The following RAD54B variants were observed in gnomAD, a reference collection of about 807,000 sequenced individuals.
RAD54B encodes DNA repair and recombination protein RAD54B.
RAD54B carries 78 observed loss-of-function variants against 95.8 expected under a neutral mutation model. That is an observed-to-expected ratio of 0.81 (90% confidence interval 0.68 to 0.98). The LOEUF is 0.98. RAD54B is among the 50% of genes least tolerant of loss of function. The pLI is 0.00. For synonymous variants in RAD54B, 328 were observed against 354.9 expected (o/e 0.92, Z 0.85); for missense variants, 957 against 1,056.6 (o/e 0.91, Z 1.31).
chr8:94,430,233 C>T (rs1563653811), intron 3 of RAD54B: 7 of 758,358 alleles, frequency 9.2e-6, no homozygotes, highest in Non-Finnish European at 9.6e-6. Flanking sequence ...ATCGCTTGAA[C>T]CCAGGAAACG....
chr8:94,417,544 T>C (rs531858058), intron 3 of RAD54B, among the ~76,000 whole-genome samples: 5 of 151,792 alleles, frequency 3.3e-5, no homozygotes, highest in African/African-American at 1.2e-4. Flanking sequence ...GAAAATATCA[T>C]ATCCTGCTGG....
chr8:94,446,290 A>G (rs1267460599), intron 3 of RAD54B, among the ~76,000 whole-genome samples: 3 of 152,202 alleles, frequency 2.0e-5, no homozygotes, highest in Non-Finnish European at 4.4e-5. Context: ...AGGTAGTCCA[A>G]AAGAGTCAAG....
chr8:94,436,759 G>T, intron 3 of RAD54B: 1 of 1,550,560 alleles, frequency 6.4e-7, no homozygotes, highest in Non-Finnish European at 8.7e-7. Context: ...TACTATTACT[G>T]AATGTTTATT....
chr8:94,432,589 C>A (rs1454707379), intron 3 of RAD54B: 4 of 1,550,106 alleles, frequency 2.6e-6, no homozygotes, highest in Non-Finnish European at 2.6e-6. Flanking sequence ...GTAATAGCAA[C>A]AGGATGGTGA....
intron 10 of RAD54B, 53 bp downstream of exon 10, chr8:94,391,556 T>G: frequency 6.5e-7 from 1 of 1,537,488 alleles, no homozygotes; most frequent in Non-Finnish European, 8.8e-7. Context: ...CTTAGATTCA[T>G]ATACTATAGA....
At chr8:94,376,630 T>A (rs1450162857) in intron 14 of RAD54B, among the ~76,000 whole-genome samples, 1 of 150,600 alleles carries the variant, frequency 6.6e-6, no homozygotes, top group African/African-American at 2.4e-5. Context: ...GAAGTTTAAA[T>A]TCTACCCACT....
intron 1 of RAD54B, among the ~76,000 whole-genome samples, chr8:94,472,941 G>C (rs1274784831): frequency 6.7e-6 from 1 of 150,256 alleles, no homozygotes; most frequent in Non-Finnish European, 1.5e-5. Context: ...CAGAGCAGTG[G>C]TTAAGAAAAC....
At chr8:94,445,598 A>C (rs1812503671) in intron 3 of RAD54B, among the ~76,000 whole-genome samples, 1 of 152,190 alleles carries the variant, frequency 6.6e-6, no homozygotes, top group African/African-American at 2.4e-5. Flanking sequence ...ATAAATACTG[A>C]ATAACACCAT....
At chr8:94,420,984 C>CAAA (rs776651582) in intron 3 of RAD54B, among the ~76,000 whole-genome samples, 1 of 90,452 alleles carries the variant, frequency 1.1e-5, no homozygotes. Context: ...GACTCAGTCT[C>CAAA]AAAAAAAAAA....
intron 4 of RAD54B, among the ~76,000 whole-genome samples, chr8:94,410,738 T>C (rs1464446250): frequency 6.6e-6 from 1 of 152,190 alleles, no homozygotes; most frequent in Non-Finnish European, 1.5e-5. Context: ...AAATTACATA[T>C]CATTCAACTT....
intron 10 of RAD54B, among the ~76,000 whole-genome samples, chr8:94,390,600 TATATATAC>T (rs1016216247): frequency 2.0e-5 from 3 of 147,840 alleles, no homozygotes; most frequent in African/African-American, 4.9e-5. Flanking sequence ...TTATATATAA[TATATATAC>T]ATATATACAT....
chr8:94,374,832 T>A (rs1810529350), intron 14 of RAD54B, among the ~76,000 whole-genome samples: 2 of 152,152 alleles, frequency 1.3e-5, no homozygotes, highest in Non-Finnish European at 2.9e-5. Context: ...AATAGATATA[T>A]CTAACAAAAA....
intron 3 of RAD54B, among the ~76,000 whole-genome samples, chr8:94,448,694 T>TAAA (rs112849710): frequency 0.38 from 52,782 of 137,652 alleles, 10,162 homozygotes; most frequent in Admixed American, 0.5. Flanking sequence ...AATGTTACTT[T>TAAA]AAAAAAAAAA....
rs2130105062 is a variant in RAD54B at position 94,432,218 on chromosome 8, C to T, written c.305-20903G>A. On this transcript the variant is annotated intron_variant, in intron 3 of 14. Coordinates refer to ENST00000336148, the MANE Select transcript of RAD54B (RefSeq NM_012415.3). ...CAATTTTTGCTCTTAGTAGCTCTTC[C>T]TCTAGCTGCTGCCTTCTTTTCAATC... 1.9e-6 allele frequency: 3 copies of T among 1,550,322 alleles called. No homozygotes were observed. The South Asian group carries it at 3.6e-5, about 18-fold the overall frequency.
At chr8:94,406,542 C>G (rs903201429) in intron 5 of RAD54B, among the ~76,000 whole-genome samples, 4 of 152,152 alleles carry the variant, frequency 2.6e-5, no homozygotes, top group African/African-American at 9.7e-5. Flanking sequence ...CCCAATAATG[C>G]CGTTGATTAT....
At chr8:94,435,032 C>T (rs545377291) in intron 3 of RAD54B, among the ~76,000 whole-genome samples, 1 of 151,900 alleles carries the variant, frequency 6.6e-6, no homozygotes, top group South Asian at 2.1e-4. Context: ...TTCTACATGT[C>T]GTTTTCAAAT....
At chr8:94,443,640 A>G (rs1435954085) in intron 3 of RAD54B, among the ~76,000 whole-genome samples, 1 of 151,938 alleles carries the variant, frequency 6.6e-6, no homozygotes, top group Non-Finnish European at 1.5e-5. Flanking sequence ...AGATTTACTG[A>G]GCACTAATTA....
intron 8 of RAD54B, among the ~76,000 whole-genome samples, chr8:94,396,802 C>T (rs1811159280): frequency 6.6e-6 from 1 of 152,026 alleles, no homozygotes; most frequent in Non-Finnish European, 1.5e-5. Context: ...TTTAAGAAGG[C>T]AGTTAAGGTT....
chr8:94,373,363 C>T (rs1274857541), intron 14 of RAD54B, among the ~76,000 whole-genome samples: 1 of 150,744 alleles, frequency 6.6e-6, no homozygotes, highest in Admixed American at 6.7e-5. Context: ...CACTTAGTCA[C>T]CTTTTCCAGC....
Sources: allele counts gnomAD v4.1 joint callset (sites outside exome capture counted in the v4.1 genomes callset), GRCh38; gene constraint gnomAD v4.1.1; transcripts MANE v1.5; gene names NCBI Gene and HGNC (gene_info 2026-07-23, HGNC 2026-07-21).